PABPC1: variants seen among roughly 807,000 people sequenced by gnomAD.
PABPC1 encodes the protein polyadenylate-binding protein 1.
In PABPC1, 4 loss-of-function variants were observed where a neutral mutation model predicts 74.0. The observed-to-expected ratio is 0.05, with a 90% CI of 0.03 to 0.12. The LOEUF is 0.12. Among genes scored for constraint, PABPC1 ranks in the 10% least tolerant of loss-of-function variants. PABPC1 has a pLI of 1.00. For synonymous variants in PABPC1, 227 were observed against 264.1 expected (o/e 0.86, Z 1.36); for missense variants, 271 against 821.1 (o/e 0.33, Z 8.19).
At chr8:100,716,896 A>G (rs1246569392) in intron 3 of PABPC1, among the ~76,000 whole-genome samples, 1 of 152,238 alleles carries the variant, frequency 6.6e-6, no homozygotes, top group African/African-American at 2.4e-5. Flanking sequence ...ACAAATTTCC[A>G]AAAGAGTTAT....
At chr8:100,705,195 G>A (rs1810349528) in intron 12 of PABPC1, 139 bp from the exon 13 acceptor site, 1 of 685,886 alleles carries the variant, frequency 1.5e-6, no homozygotes, top group Admixed American at 3.0e-5. Flanking sequence ...ATTTCATTAT[G>A]TCTTCATGGG....
chr8:100,712,430 C>G lies in PABPC1; in HGVS notation c.904G>C (p.Asp302His). ...QGVNLYVKNL[D>H]DGIDDERLRK... is the part of the protein sequence containing the mutation. ...AGACGTTCATCATCAATACCATCAT[C>G]AAGATTTTTCACATAAAGATTAACA... Residue 302 changes from aspartate to histidine, a missense_variant, in exon 7 of 15, where the codon GAT becomes CAT. Asp to His is a moderately conservative substitution (Grantham distance 81). Transcript: ENST00000318607. 6.2e-7 allele frequency: 1 copy of G among 1,608,970 alleles called. No individual in the cohort carries two copies. Among genetic ancestry groups the G allele is most frequent in the Non-Finnish European group, 8.5e-7 (1 of 1,177,062 alleles).
chr8:100,714,749 T>G (rs1346300082), intron 4 of PABPC1, among the ~76,000 whole-genome samples: 1 of 152,046 alleles, frequency 6.6e-6, no homozygotes, highest in Non-Finnish European at 1.5e-5. Context: ...GATTTCCTAA[T>G]TCTTTATTAT....
At chr8:100,708,001 G>A (rs1003445787) in intron 9 of PABPC1, among the ~76,000 whole-genome samples, 1 of 152,110 alleles carries the variant, frequency 6.6e-6, no homozygotes, top group African/African-American at 2.4e-5. Flanking sequence ...GTATGGCCTG[G>A]TTTTTCCTAG....
chr8:100,706,663 A>G lies in PABPC1; in HGVS notation c.1590T>C (p.Val530=), dbSNP rs772898961. The change falls in exon 11 of 15, where the codon GTT becomes GTC. Residue 530 remains valine (V), a synonymous_variant. Transcript: ENST00000318607. ...PQQHLNAQPQ[V]TMQQPAVHVQ... Reference sequence around the variant, plus strand: ...ATTAAATCCATACCTGTTGCATTGTAACTTGTGGCTGTGCATTAAGATGTT... The same window carrying G: ...ATTAAATCCATACCTGTTGCATTGTGACTTGTGGCTGTGCATTAAGATGTT... 4 of 1,613,636 alleles carry G rather than the reference A, an allele frequency of 2.5e-6. No individual in the cohort carries two copies. The highest frequency in any genetic ancestry group is 3.4e-6 in the Non-Finnish European group (4 of 1,179,776).
chr8:100,720,726 G>A (rs1315292396), intron 1 of PABPC1, among the ~76,000 whole-genome samples: 1 of 152,150 alleles, frequency 6.6e-6, no homozygotes, highest in Admixed American at 6.5e-5. Context: ...TGATCTAGGG[G>A]AAACCCCAAA....
intron 4 of PABPC1, among the ~76,000 whole-genome samples, chr8:100,715,230 T>C (rs1456067171): frequency 6.6e-6 from 1 of 152,168 alleles, no homozygotes; most frequent in Non-Finnish European, 1.5e-5. Context: ...CATACCTTAC[T>C]GTGCTAATCT....
chr8:100,712,843 T>A, intron 5 of PABPC1, 54 bp from the exon 6 acceptor site: 2 of 1,510,876 alleles, frequency 1.3e-6, no homozygotes, highest in South Asian at 1.3e-5. Context: ...CAACTTACAG[T>A]TCATTTCCTT....
At chr8:100,705,208 G>C in intron 12 of PABPC1, 152 bp from the exon 13 acceptor site, 1 of 673,944 alleles carries the variant, frequency 1.5e-6, no homozygotes, top group East Asian at 2.7e-5. Context: ...TTCATGGGAA[G>C]ACAGAATAAA....
chr8:100,721,694 C>T lies in PABPC1; in HGVS notation c.-111G>A. The stretch of plus-strand genomic sequence containing the variant: ...GGGGGAGGGGAGCGGGGAGCAAGCG[C>T]AGAGGGACAAAAATCAACCGGAATT... On this transcript the variant is annotated 5_prime_UTR_variant, in exon 1 of 15. Coordinates refer to ENST00000318607, the MANE Select transcript of PABPC1 (RefSeq NM_002568.4). This position sits in a 1 kb window ranked among gnomAD's most constrained non-coding sequence, Gnocchi z 7.4. 1.1e-6 allele frequency: 1 copy of T among 922,816 alleles called. No individual in the cohort carries two copies. Among genetic ancestry groups the T allele is most frequent in the Non-Finnish European group, 1.5e-6 (1 of 652,626 alleles). The allele number at this position is 922,816 out of a possible 1,614,324, so 57.2% of individuals were successfully genotyped here.
At chr8:100,714,482 G>A (rs1168548605) in intron 4 of PABPC1, among the ~76,000 whole-genome samples, 2 of 152,128 alleles carry the variant, frequency 1.3e-5, no homozygotes, top group African/African-American at 4.8e-5. Flanking sequence ...TGTAATCCCA[G>A]CACTTTGGGA....
Position 100,707,004 on chromosome 8 carries a change from T to C in PABPC1, c.1337-7A>G. On this transcript the variant is annotated splice_polypyrimidine_tract_variant and splice_region_variant and intron_variant, in intron 9 of 14. Transcript: ENST00000318607. ...CCGGGCATATTTTGGAATGCTGCAT[T>C]TTAAAGATGTGAATATACATTAACT... The C allele has an allele frequency of 2.3e-6, 2 of 884,610 alleles. No homozygotes were observed. The highest frequency in any genetic ancestry group is 3.3e-6 in the Non-Finnish European group (2 of 597,252). 54.8% of individuals were successfully genotyped at this position (884,610 alleles called of 1,614,324 possible).
At chr8:100,707,914 C>G (rs1045001939) in intron 9 of PABPC1, among the ~76,000 whole-genome samples, 3 of 152,232 alleles carry the variant, frequency 2.0e-5, no homozygotes, top group African/African-American at 4.8e-5. Context: ...CTTTGGTGGC[C>G]CTGTCTGGGC....
intron 9 of PABPC1, among the ~76,000 whole-genome samples, chr8:100,707,571 C>G (rs1408313036): frequency 6.6e-6 from 1 of 152,308 alleles, no homozygotes; most frequent in East Asian, 1.9e-4. Context: ...ACTTTTAGTA[C>G]TTTCACTAAT....
At chr8:100,706,305 G>A (rs1364887287) in intron 11 of PABPC1, among the ~76,000 whole-genome samples, 2 of 152,208 alleles carry the variant, frequency 1.3e-5, no homozygotes, top group Non-Finnish European at 1.5e-5. Context: ...CTATCATGCA[G>A]CTGTCTTCAC....
intron 7 of PABPC1, among the ~76,000 whole-genome samples, chr8:100,710,322 A>G (rs1041534777): frequency 9.9e-5 from 15 of 152,208 alleles, no homozygotes; most frequent in Non-Finnish European, 1.9e-4. Flanking sequence ...GCAAAGAACC[A>G]CTCGCTAGGC....
intron 11 of PABPC1, among the ~76,000 whole-genome samples, chr8:100,706,316 A>AT (rs1157967093): frequency 7.9e-5 from 12 of 152,120 alleles, no homozygotes; most frequent in Admixed American, 5.2e-4. Context: ...CTGTCTTCAC[A>AT]TTTTTTCTTT....
chr8:100,705,114 GA>G lies in PABPC1; in HGVS notation c.1688-59del, dbSNP rs543665337. 44 of 1,424,402 alleles carry G rather than the reference GA, an allele frequency of 3.1e-5. No homozygotes were observed. The East Asian group carries it at 9.6e-4, about 31-fold the overall frequency. The allele number at this position is 1,424,402 out of a possible 1,614,324, so 88.2% of individuals were successfully genotyped here. On this transcript the variant is annotated intron_variant, in intron 12 of 14. Coordinates refer to ENST00000318607, the MANE Select transcript of PABPC1 (RefSeq NM_002568.4). ...ATAAAAAAAAGTTTTTAACTGCATTGAATTACCACATTAAACTGGGGTTTAA... is the reference window on the plus strand; with the variant it reads ...ATAAAAAAAAGTTTTTAACTGCATTGATTACCACATTAAACTGGGGTTTAA...
At chr8:100,713,696 C>T (rs1003333658) in intron 4 of PABPC1, among the ~76,000 whole-genome samples, 5 of 152,090 alleles carry the variant, frequency 3.3e-5, no homozygotes, top group Non-Finnish European at 4.4e-5. Flanking sequence ...CTATGTTGCC[C>T]GGGCTAGTCT....
Sources: allele counts gnomAD v4.1 joint callset (sites outside exome capture counted in the v4.1 genomes callset), GRCh38; gene constraint gnomAD v4.1.1; non-coding constraint Gnocchi (gnomAD v3.1); transcripts MANE v1.5; gene names NCBI Gene and HGNC (gene_info 2026-07-23, HGNC 2026-07-21).